The following ADAMTS3 variants were observed in gnomAD, a reference collection of about 807,000 sequenced individuals.
The protein encoded by ADAMTS3 is A disintegrin and metalloproteinase with thrombospondin motifs 3.
A neutral mutation model predicts 129.0 loss-of-function variants in ADAMTS3; 73 were observed. That is an observed-to-expected ratio of 0.57 (90% CI 0.47 to 0.69). ADAMTS3 has a LOEUF of 0.69. Among genes scored for constraint, ADAMTS3 ranks in the 30% least tolerant of loss-of-function variants. The pLI, the probability that ADAMTS3 is intolerant of heterozygous loss-of-function variation, is 0.00. For synonymous variants in ADAMTS3, 477 were observed against 510.8 expected (o/e 0.93, Z 0.89); for missense variants, 1,457 against 1,514.5 (o/e 0.96, Z 0.63).
chr4:72,373,693 G>A (rs1364362028), intron 4 of ADAMTS3, among the ~76,000 whole-genome samples: 1 of 152,048 alleles, frequency 6.6e-6, no homozygotes. Context: ...GGACCCAGAT[G>A]TTTGAGACCA....
intron 2 of ADAMTS3, among the ~76,000 whole-genome samples, chr4:72,549,218 AATTT>A (rs1324529335): frequency 1.3e-5 from 2 of 152,160 alleles, no homozygotes; most frequent in Non-Finnish European, 2.9e-5. Flanking sequence ...GCCCTTAATT[AATTT>A]ATTATTGGCA....
intron 18 of ADAMTS3, among the ~76,000 whole-genome samples, chr4:72,296,804 T>C (rs2109779399): frequency 6.6e-6 from 1 of 152,262 alleles, no homozygotes; most frequent in African/African-American, 2.4e-5. Context: ...TATCATGTTA[T>C]TTATGGCAAT....
chr4:72,498,789 T>C (rs1332720972), intron 3 of ADAMTS3, among the ~76,000 whole-genome samples: 1 of 152,000 alleles, frequency 6.6e-6, no homozygotes, highest in African/African-American at 2.4e-5. Context: ...TCTCATAGTT[T>C]CAGTAATAAC....
chr4:72,497,553 TA>T (rs1560538482), intron 3 of ADAMTS3, among the ~76,000 whole-genome samples: 2 of 151,538 alleles, frequency 1.3e-5, no homozygotes, highest in Admixed American at 1.3e-4. Context: ...ACATAGCCCA[TA>T]AAATTATTAA....
At chr4:72,374,008 T>C (rs1359392036) in intron 4 of ADAMTS3, among the ~76,000 whole-genome samples, 1 of 151,574 alleles carries the variant, frequency 6.6e-6, no homozygotes, top group Non-Finnish European at 1.5e-5. Flanking sequence ...ACAGGCACTC[T>C]AGAAAAATAT....
rs1360057832 is a variant in ADAMTS3 at position 72,339,564 on chromosome 4, A to G, written c.791T>C (p.Val264Ala). 1.2e-6 allele frequency: 2 copies of G among 1,613,778 alleles called. No homozygotes were observed. Among genetic ancestry groups the G allele is most frequent in the Admixed American group, 1.7e-5 (1 of 60,000 alleles). ...NDYNIEVLLG[V>A]DDSVVRFHGK... ...ATGGAAACGGACCACAGAGTCATCC[A>G]CTCCCAGCAGTACCTCGATATTGTA... is the stretch of plus-strand genomic sequence containing the variant. Residue 264 changes from valine (V) to alanine (A), a missense_variant, in exon 5 of 22, where the codon GTG (valine) becomes GCG (alanine). Val to Ala is a moderately conservative substitution (Grantham distance 64). Coordinates refer to ENST00000286657, the MANE Select transcript of ADAMTS3 (RefSeq NM_014243.3).
intron 3 of ADAMTS3, among the ~76,000 whole-genome samples, chr4:72,528,812 T>C (rs980353417): frequency 3.3e-5 from 5 of 152,110 alleles, no homozygotes; most frequent in Admixed American, 6.6e-5. Flanking sequence ...CCAAAATCCA[T>C]ACCAATCAGT....
chr4:72,332,549 C>A (rs1337298179), intron 5 of ADAMTS3, among the ~76,000 whole-genome samples: 1 of 152,112 alleles, frequency 6.6e-6, no homozygotes, highest in Admixed American at 6.6e-5. Flanking sequence ...AAATGAACTG[C>A]TTTCTTATCA....
chr4:72,290,779 T>C, intron 20 of ADAMTS3, 76 bp downstream of exon 20: 1 of 1,494,782 alleles, frequency 6.7e-7, no homozygotes, highest in Non-Finnish European at 9.2e-7. Context: ...CTAACTGATG[T>C]TTAAGCCAAA....
chr4:72,366,176 A>G (rs1720862842), intron 4 of ADAMTS3, among the ~76,000 whole-genome samples: 2 of 152,304 alleles, frequency 1.3e-5, no homozygotes, highest in South Asian at 2.1e-4. Flanking sequence ...AATAATAACC[A>G]CAAAATAGCT....
intron 3 of ADAMTS3, among the ~76,000 whole-genome samples, chr4:72,465,491 G>A (rs1424418815): frequency 3.3e-5 from 5 of 151,898 alleles, no homozygotes; most frequent in African/African-American, 1.2e-4. Context: ...TTAAAAGTGG[G>A]GGCGATATGA....
At chr4:72,427,624 G>GA (rs1389339734) in intron 3 of ADAMTS3, among the ~76,000 whole-genome samples, 1 of 151,462 alleles carries the variant, frequency 6.6e-6, no homozygotes, top group Admixed American at 6.6e-5. Context: ...ACAGCAGAAG[G>GA]AAAAAAACAG....
At chr4:72,381,064 A>C (rs556250778) in intron 4 of ADAMTS3, among the ~76,000 whole-genome samples, 1 of 152,198 alleles carries the variant, frequency 6.6e-6, no homozygotes, top group South Asian at 2.1e-4. Flanking sequence ...ACAAACAAAA[A>C]AGTTCTTCAG....
At chr4:72,318,136 T>C (rs1719450007) in intron 10 of ADAMTS3, among the ~76,000 whole-genome samples, 1 of 152,006 alleles carries the variant, frequency 6.6e-6, no homozygotes, top group African/African-American at 2.4e-5. Flanking sequence ...AATCCTTCCC[T>C]ATGGTCACAC....
At chr4:72,434,972 T>A (rs1342137429) in intron 3 of ADAMTS3, among the ~76,000 whole-genome samples, 1 of 151,828 alleles carries the variant, frequency 6.6e-6, no homozygotes, top group African/African-American at 2.4e-5. Flanking sequence ...CACAAGGAAA[T>A]TCAATTTTGC....
rs759075476 is a variant in ADAMTS3, at chr4:72,319,977, C to A, written c.1103-14G>T. On this transcript the variant is annotated splice_polypyrimidine_tract_variant and intron_variant, in intron 7 of 21. Transcript: ENST00000286657. ...CTGGAGCATATCCTGTAGAGAATAA[C>A]AATTACTTTTATTTTCATTTTATGA... The A allele has an allele frequency of 6.3e-7, 1 of 1,594,794 alleles. No individual in the cohort carries two copies. The highest frequency in any genetic ancestry group is 2.2e-5 in the East Asian group (1 of 44,632).
chr4:72,408,583 C>A (rs912882503), intron 4 of ADAMTS3, among the ~76,000 whole-genome samples: 2 of 151,776 alleles, frequency 1.3e-5, no homozygotes, highest in African/African-American at 4.8e-5. Context: ...ATATTCAGCA[C>A]CTGAGTTATA....
At chr4:72,399,612 T>A (rs1721822116) in intron 4 of ADAMTS3, among the ~76,000 whole-genome samples, 1 of 152,040 alleles carries the variant, frequency 6.6e-6, no homozygotes, top group South Asian at 2.1e-4. Context: ...TCCACCTATT[T>A]TATATAATTC....
At chr4:72,402,512 T>A (rs572589650) in intron 4 of ADAMTS3, among the ~76,000 whole-genome samples, 10 of 152,306 alleles carry the variant, frequency 6.6e-5, no homozygotes, top group African/African-American at 2.4e-4. Context: ...AACACTCAGT[T>A]TATCTCTAAT....
Sources: allele counts gnomAD v4.1 joint callset (sites outside exome capture counted in the v4.1 genomes callset), GRCh38; gene constraint gnomAD v4.1.1; transcripts MANE v1.5; gene names NCBI Gene and HGNC (gene_info 2026-07-23, HGNC 2026-07-21).